TIAM1: variants seen among roughly 807,000 people sequenced by gnomAD.
TIAM1 encodes TIAM Rac1 associated GEF 1.
Under a neutral mutation model 163.5 loss-of-function variants are expected in TIAM1, and 65 were observed. The observed-to-expected ratio is 0.40, with a 90% CI of 0.33 to 0.49. TIAM1 has a LOEUF of 0.49. TIAM1 is among the 20% of genes least tolerant of loss of function. The probability of loss-of-function intolerance (pLI) is 0.77; values close to 1 mark genes in which losing one functional copy is unlikely to be tolerated. For missense variants in TIAM1, 1,789 were observed against 2,044.7 expected (o/e 0.87, Z 2.41); for synonymous variants, 833 against 810.1 (o/e 1.03, Z -0.48).
At chr21:31,160,575 G>A (rs1015475369) in intron 16 of TIAM1, 7 of 398,492 alleles carry the variant, frequency 1.8e-5, no homozygotes, top group African/African-American at 6.2e-5. Context: ...ACCACCTGAC[G>A]TGTTCAGCAC....
intron 2 of TIAM1, among the ~76,000 whole-genome samples, chr21:31,321,298 A>C (rs554387037): frequency 6.6e-6 from 1 of 152,154 alleles, no homozygotes; most frequent in Admixed American, 6.5e-5. Context: ...GCCGGTCCAC[A>C]CTGCCTTCTC....
At chr21:31,142,021 G>A (rs970594191) in intron 20 of TIAM1, among the ~76,000 whole-genome samples, 2 of 151,956 alleles carry the variant, frequency 1.3e-5, no homozygotes, top group East Asian at 1.9e-4. Flanking sequence ...CACACATCTC[G>A]GCTTCGAGTG....
At position 31,508,387 on chromosome 21, in the gene TIAM1, CTTTTTTTTT is replaced by C. The variant is rs200164021; in HGVS notation, c.-421-44361_-421-44353del. 4.0e-5 allele frequency among the ~76,000 whole-genome samples: 5 copies of C among 126,554 alleles called. 1 individual carries two copies. In the South Asian group the frequency reaches 1.3e-3, roughly 33 times the overall value. 83.0% of individuals were successfully genotyped at this position (126,554 alleles called of 152,430 possible). On this transcript the variant is annotated intron_variant, in intron 1 of 28. Transcript: ENST00000286827. ...GAACTAGGTTTTCATATTGAAATTT[CTTTTTTTTT>C]TTTTTTTTTGAGACAGAATTTGGCT...
chr21:31,546,189 A>G (rs777034268), intron 1 of TIAM1, among the ~76,000 whole-genome samples: 394 of 15,342 alleles, frequency 0.026, 5 homozygotes, highest in Non-Finnish European at 0.017. Context: ...TTGTAATTTA[A>G]AAAAAAAAAA....
chr21:31,239,527 A>G (rs2146693496), intron 6 of TIAM1, among the ~76,000 whole-genome samples: 1 of 152,316 alleles, frequency 6.6e-6, no homozygotes, highest in African/African-American at 2.4e-5. Context: ...CCATTAAGGA[A>G]GGCTTAAGAA....
chr21:31,135,012 G>C (rs1256807076), intron 23 of TIAM1, among the ~76,000 whole-genome samples: 1 of 151,984 alleles, frequency 6.6e-6, no homozygotes, highest in Non-Finnish European at 1.5e-5. Flanking sequence ...AAAAAAAAAA[G>C]TTTAGTTAAG....
rs1569033950 is a variant in TIAM1, at chr21:31,210,730, AG to A, written c.2218-516del. 4.1e-4 allele frequency among the ~76,000 whole-genome samples: 44 copies of A among 108,578 alleles called. 1 individual carries two copies. Among genetic ancestry groups the A allele is most frequent in the African/African-American group, 1.5e-3 (28 of 18,850 alleles). 71.2% of individuals were successfully genotyped at this position (108,578 alleles called of 152,430 possible). On this transcript the variant is annotated intron_variant, in intron 10 of 27. Transcript: ENST00000541036. ...GAGAAAGAAAGAGAAAGAAAGAAAGAGAAAGAAGGAAGGAAGGGAGAAAGAA... is the reference window on the plus strand; with the variant it reads ...GAGAAAGAAAGAGAAAGAAAGAAAGAAAAGAAGGAAGGAAGGGAGAAAGAA...
At chr21:31,255,888 G>C (rs2072073032) in intron 4 of TIAM1, among the ~76,000 whole-genome samples, 1 of 152,192 alleles carries the variant, frequency 6.6e-6, no homozygotes, top group Admixed American at 6.5e-5. Flanking sequence ...CTTCAATCCT[G>C]TTCTCCCAGG....
intron 2 of TIAM1, among the ~76,000 whole-genome samples, chr21:31,302,287 A>C (rs1014742970): frequency 6.6e-6 from 1 of 152,246 alleles, no homozygotes; most frequent in Non-Finnish European, 1.5e-5. Context: ...AGTCTTGGTA[A>C]TATGAATATA....
intron 2 of TIAM1, among the ~76,000 whole-genome samples, chr21:31,327,466 C>T (rs1223234403): frequency 6.6e-6 from 1 of 151,392 alleles, no homozygotes; most frequent in African/African-American, 2.4e-5. Flanking sequence ...ATAGCAAAAC[C>T]CATCTCTACT....
chr21:31,445,535 A>T (rs2147311647), intron 2 of TIAM1, among the ~76,000 whole-genome samples: 1 of 152,260 alleles, frequency 6.6e-6, no homozygotes, highest in East Asian at 1.9e-4. Flanking sequence ...ATTAATTCCA[A>T]TTAATAGGGA....
intron 1 of TIAM1, among the ~76,000 whole-genome samples, chr21:31,490,885 G>C (rs2147419945): frequency 6.6e-6 from 1 of 152,308 alleles, no homozygotes; most frequent in Middle Eastern, 3.4e-3. Context: ...CCAGCACTTT[G>C]GGAGGCCAAG....
Position 31,182,463 on chromosome 21 carries a change from C to G in TIAM1, c.2845G>C (p.Asp949His), listed in dbSNP as rs576007084. The change falls in exon 15 of 28, where the codon GAC (aspartate) becomes CAC (histidine). Residue 949 changes from aspartate (D) to histidine (H), a missense_variant. This residue lies in a region of TIAM1 where 303 missense variants were observed against 321.3 expected (regional missense o/e 0.94). Transcript: ENST00000541036. ...SPPHRVDGPA[D>H]LGESPLAFLT... ...AAGGCGAGGGGGCTCTCGCCAAGGT[C>G]GGCAGGGCCGTCCACTCGGTGGGGC... The G allele has an allele frequency of 6.2e-7, 1 of 1,606,116 alleles. No homozygotes were observed.
At chr21:31,464,499 G>A (rs1471404576) in intron 1 of TIAM1, among the ~76,000 whole-genome samples, 3 of 152,102 alleles carry the variant, frequency 2.0e-5, no homozygotes, top group Non-Finnish European at 2.9e-5. Context: ...CTTGACCCCA[G>A]GAGTTCAAGA....
intron 1 of TIAM1, among the ~76,000 whole-genome samples, chr21:31,472,265 G>A (rs1270886962): frequency 1.3e-5 from 2 of 151,914 alleles, no homozygotes; most frequent in African/African-American, 2.4e-5. Context: ...AATGTCTCAC[G>A]CTTGTAATCC....
chr21:31,265,201 CTTTTTTTTTTTT>C (rs781091105), intron 4 of TIAM1, among the ~76,000 whole-genome samples: 2 of 109,992 alleles, frequency 1.8e-5, no homozygotes, highest in African/African-American at 3.3e-5. Context: ...CTTTCAAAAT[CTTTTTTTTTTTT>C]TTTTTTTTTT....
At chr21:31,444,935 T>C (rs1332289484) in intron 2 of TIAM1, among the ~76,000 whole-genome samples, 2 of 151,790 alleles carry the variant, frequency 1.3e-5, no homozygotes, top group East Asian at 3.9e-4. Context: ...GAGGCGGAGG[T>C]TGCAGTGAGC....
At chr21:31,245,875 G>C (rs1411062854) in intron 5 of TIAM1, among the ~76,000 whole-genome samples, 1 of 152,154 alleles carries the variant, frequency 6.6e-6, no homozygotes, top group Non-Finnish European at 1.5e-5. Flanking sequence ...GCCTGCCCGG[G>C]TTTCCTTCCT....
At chr21:31,222,699 ATATATATATTTTTTTTTTT>A (rs1406078294) in intron 8 of TIAM1, among the ~76,000 whole-genome samples, 8 of 39,788 alleles carry the variant, frequency 2.0e-4, no homozygotes, top group African/African-American at 9.7e-4. Flanking sequence ...ATATATATAT[ATATATATATTTTTTTTTTT>A]TTTTTTTTTT....
Sources: allele counts gnomAD v4.1 joint callset (sites outside exome capture counted in the v4.1 genomes callset), GRCh38; gene constraint gnomAD v4.1.1; regional missense constraint gnomAD v4.1.1; transcripts MANE v1.5; gene names NCBI Gene and HGNC (gene_info 2026-07-23, HGNC 2026-07-21).